The following IFT43 variants were observed in gnomAD, a reference collection of about 807,000 sequenced individuals.
The protein encoded by IFT43 is intraflagellar transport protein 43 homolog.
IFT43 carries 33 observed loss-of-function variants against 32.3 expected under a neutral mutation model. The observed-to-expected ratio is 1.02, with a 90% CI of 0.77 to 1.37. The LOEUF is 1.37. Ranked by LOEUF, IFT43 falls within the 40% of genes most tolerant of loss-of-function variation. The probability of loss-of-function intolerance (pLI) is 0.00; values close to 1 mark genes in which losing one functional copy is unlikely to be tolerated. For missense variants in IFT43, 274 were observed against 265.9 expected (o/e 1.03, Z -0.21); for synonymous variants, 93 against 98.2 (o/e 0.95, Z 0.31).
intron 1 of IFT43, chr14:75,986,347 C>T (rs1312478406): frequency 6.0e-6 from 7 of 1,169,760 alleles, no homozygotes. Flanking sequence ...CCTCAGTTAC[C>T]TCAGTAGTTA....
At chr14:76,072,637 G>A (rs904634065) in intron 5 of IFT43, among the ~76,000 whole-genome samples, 1 of 152,184 alleles carries the variant, frequency 6.6e-6, no homozygotes, top group Non-Finnish European at 1.5e-5. Flanking sequence ...CCTTCCTCCA[G>A]GAACACAGAG....
intron 2 of IFT43, among the ~76,000 whole-genome samples, chr14:76,020,476 G>A (rs1566710862): frequency 1.3e-5 from 2 of 152,098 alleles, no homozygotes; most frequent in African/African-American, 4.8e-5. Context: ...TGTATCTGGT[G>A]TAATAGTTGC....
At chr14:76,048,996 C>T (rs67702123) in intron 3 of IFT43, among the ~76,000 whole-genome samples, 50,789 of 152,060 alleles carry the variant, frequency 0.33, 8,564 homozygotes, top group African/African-American at 0.35. Context: ...AGAACAGAAG[C>T]AGAGAAGATG....
chr14:76,031,008 G>A (rs2036500022), intron 3 of IFT43, among the ~76,000 whole-genome samples: 2 of 146,698 alleles, frequency 1.4e-5, no homozygotes, highest in Non-Finnish European at 3.0e-5. Flanking sequence ...TTTTGGAAAA[G>A]TAAACATATG....
Position 76,082,312 on chromosome 14 carries a change from G to A in IFT43, c.313G>A (p.Asp105Asn). 2 of 1,614,084 alleles carry A rather than the reference G, an allele frequency of 1.2e-6. No individual in the cohort carries two copies. Among genetic ancestry groups the A allele is most frequent in the Non-Finnish European group, 1.7e-6 (2 of 1,179,910 alleles). ...DYGGDIPIIPDLEEVQEEDFV... is the reference protein window; with the variant it reads ...DYGGDIPIIPNLEEVQEEDFV... ...CCTTGCAGATATTCCTATCATTCCGGATCTGGAGGAAGTACAGGAAGAAGA... is the reference window on the plus strand; with the variant it reads ...CCTTGCAGATATTCCTATCATTCCGAATCTGGAGGAAGTACAGGAAGAAGA... Residue 105 changes from aspartate (D) to asparagine (N), a missense_variant, in exon 6 of 9, where the codon GAT becomes AAT. Coordinates refer to ENST00000314067, the MANE Select transcript of IFT43 (RefSeq NM_001102564.3).
intron 5 of IFT43, among the ~76,000 whole-genome samples, chr14:76,063,914 T>G (rs1354502165): frequency 1.3e-5 from 2 of 152,134 alleles, no homozygotes; most frequent in Non-Finnish European, 2.9e-5. Context: ...CTGCATGAAT[T>G]TAAGTAAGCT....
At chr14:76,058,508 A>G (rs2037068212) in intron 3 of IFT43, 134 bp from the exon 4 acceptor site, 3 of 982,810 alleles carry the variant, frequency 3.1e-6, no homozygotes, top group Non-Finnish European at 4.6e-6. Flanking sequence ...CTTGTCTCTA[A>G]AGAGGACTGC....
chr14:76,072,143 C>T (rs527845910), intron 5 of IFT43, among the ~76,000 whole-genome samples: 13 of 152,288 alleles, frequency 8.5e-5, no homozygotes, highest in African/African-American at 3.1e-4. Flanking sequence ...GCAGAATCTT[C>T]AGGTTTGACC....
At chr14:76,060,825 C>CCTTT (rs1397642644) in intron 5 of IFT43, among the ~76,000 whole-genome samples, 2 of 90,984 alleles carry the variant, frequency 2.2e-5, no homozygotes, top group African/African-American at 7.4e-5. Flanking sequence ...TCCCTCCCTC[C>CCTTT]CTTTCTTCCT....
chr14:76,000,350 C>T (rs900614256), intron 2 of IFT43, among the ~76,000 whole-genome samples: 18 of 150,806 alleles, frequency 1.2e-4, no homozygotes, highest in Admixed American at 7.9e-4. Context: ...CCACAAGCTC[C>T]GCCTTCTGGA....
intron 3 of IFT43, among the ~76,000 whole-genome samples, chr14:76,036,408 C>CT (rs3086747): frequency 0.36 from 42,928 of 119,698 alleles, 7,808 homozygotes; most frequent in Non-Finnish European, 0.38. Context: ...TTCTGTCTTT[C>CT]TTTTTTTTTT....
At chr14:76,045,688 C>T (rs989504297) in intron 3 of IFT43, among the ~76,000 whole-genome samples, 23 of 152,298 alleles carry the variant, frequency 1.5e-4, no homozygotes, top group Admixed American at 6.5e-5. Flanking sequence ...TGCTATACTG[C>T]CAAGCCTCAC....
chr14:76,056,238 CAG>C (rs1020509694), intron 3 of IFT43, among the ~76,000 whole-genome samples: 1 of 152,126 alleles, frequency 6.6e-6, no homozygotes, highest in African/African-American at 2.4e-5. Context: ...TTATTTCTGG[CAG>C]AGAGAGAGAA....
rs958387730 is a variant in IFT43, at chr14:75,987,622, C to A, written c.55-1263C>A. On this transcript the variant is annotated intron_variant, in intron 1 of 8. Coordinates refer to ENST00000314067, the MANE Select transcript of IFT43 (RefSeq NM_001102564.3). ...CATTATTGTGAGAATCAAAGGAAGC[C>A]ACATTAAATGAGATCTAAAAGTGCT... 1.8e-4 allele frequency among the ~76,000 whole-genome samples: 28 copies of A among 152,136 alleles called. 1 individual carries two copies. The highest frequency in any genetic ancestry group is 5.1e-4 in the African/African-American group (21 of 41,424).
intron 3 of IFT43, chr14:76,038,119 T>C (rs1350490088): frequency 1.3e-5 from 2 of 152,240 alleles, no homozygotes; most frequent in Admixed American, 6.5e-5. Flanking sequence ...ACCGGAGTCC[T>C]GGGCAACGTG....
intron 3 of IFT43, among the ~76,000 whole-genome samples, chr14:76,025,560 T>C (rs1293186235): frequency 6.6e-6 from 1 of 152,062 alleles, no homozygotes; most frequent in Non-Finnish European, 1.5e-5. Context: ...CAAACTATAC[T>C]ACAGGGCTAC....
chr14:76,019,388 T>G (rs906557132), intron 2 of IFT43, among the ~76,000 whole-genome samples: 3 of 152,166 alleles, frequency 2.0e-5, no homozygotes, highest in African/African-American at 7.2e-5. Flanking sequence ...CTTTTTTTTT[T>G]TCCCTTTCAG....
At chr14:76,015,069 A>G (rs2036159473) in intron 2 of IFT43, among the ~76,000 whole-genome samples, 1 of 152,190 alleles carries the variant, frequency 6.6e-6, no homozygotes, top group African/African-American at 2.4e-5. Flanking sequence ...CACCTAGTGC[A>G]CATGGGACCA....
Position 75,987,071 on chromosome 14 carries a change from C to T in IFT43, c.54+1231C>T, listed in dbSNP as rs111500201. Among the ~76,000 whole-genome samples, 31 of 152,270 alleles carry T rather than the reference C, an allele frequency of 2.0e-4. 1 individual carries two copies. The highest frequency in any genetic ancestry group is 7.0e-4 in the African/African-American group (29 of 41,552). ...ATCAGGCAGTAAAGAAGTTTTTCTACCCTATGGATCTATACAGGGTCTTCA... is the reference window on the plus strand; with the variant it reads ...ATCAGGCAGTAAAGAAGTTTTTCTATCCTATGGATCTATACAGGGTCTTCA... On this transcript the variant is annotated intron_variant, in intron 1 of 8. Coordinates refer to ENST00000314067, the MANE Select transcript of IFT43 (RefSeq NM_001102564.3).
Sources: gnomAD v4.1 joint callset for allele counts (sites outside exome capture counted in the v4.1 genomes callset) on GRCh38, gnomAD v4.1.1 for gene constraint, MANE v1.5 for transcripts, NCBI Gene and HGNC (gene_info 2026-07-23, HGNC 2026-07-21) for gene names.